Variants in LRP6 observed in about 807,000 individuals in gnomAD.
LRP6 encodes low-density lipoprotein receptor-related protein 6.
In LRP6, 43 loss-of-function variants were observed where a neutral mutation model predicts 184.1. That is an observed-to-expected ratio of 0.23 (90% CI 0.18 to 0.30). The LOEUF is 0.30. LRP6 is among the 10% of genes least tolerant of loss of function. The pLI is 1.00. For synonymous variants in LRP6, 719 were observed against 684.9 expected (o/e 1.05, Z -0.78); for missense variants, 1,571 against 2,005.3 (o/e 0.78, Z 4.14).
intron 12 of LRP6, chr12:12,155,801 G>C (rs1950143672): frequency 1.4e-6 from 1 of 730,826 alleles, no homozygotes; most frequent in African/African-American, 1.9e-5. Context: ...AAGACTTCTG[G>C]ACTGTTAAAA....
At chr12:12,132,083 G>A (rs1040769879) in intron 17 of LRP6, 26 bp from the exon 18 acceptor site, 2 of 1,503,704 alleles carry the variant, frequency 1.3e-6, no homozygotes, top group East Asian at 2.3e-5. Flanking sequence ...GAGAAGGGGA[G>A]TGACAAAAAC....
intron 15 of LRP6, among the ~76,000 whole-genome samples, chr12:12,139,860 G>C (rs981208179): frequency 6.6e-6 from 1 of 152,194 alleles, no homozygotes; most frequent in Non-Finnish European, 1.5e-5. Flanking sequence ...CAGGGATAAT[G>C]ACACAGTAGC....
intron 3 of LRP6, among the ~76,000 whole-genome samples, chr12:12,197,091 T>C (rs1181411086): frequency 1.3e-5 from 2 of 152,080 alleles, no homozygotes; most frequent in Non-Finnish European, 2.9e-5. Flanking sequence ...AATTTGTTCC[T>C]ATCATGCTCT....
chr12:12,229,551 G>T (rs1298505720), intron 2 of LRP6, among the ~76,000 whole-genome samples: 1 of 152,074 alleles, frequency 6.6e-6, no homozygotes, highest in Non-Finnish European at 1.5e-5. Context: ...GAGCAGGTTT[G>T]GTTGTTTTGT....
At position 12,203,190 on chromosome 12, in the gene LRP6, C is replaced by A; in HGVS notation, c.647+13G>T. On this transcript the variant is annotated intron_variant, in intron 3 of 22. Coordinates refer to ENST00000261349, the MANE Select transcript of LRP6 (RefSeq NM_002336.3). The stretch of plus-strand genomic sequence containing the variant: ...GTTTTCTTAAAAGTTTTTTCTAATT[C>A]TTGTAATCTTACCGATTTGTTCCAT... 1 of 1,584,614 alleles carries A rather than the reference C, an allele frequency of 6.3e-7. No individual in the cohort carries two copies. Among genetic ancestry groups the A allele is most frequent in the South Asian group, 1.2e-5 (1 of 85,998 alleles).
intron 1 of LRP6, chr12:12,248,912 A>G (rs1865256173): frequency 2.7e-6 from 1 of 373,680 alleles, no homozygotes; most frequent in Non-Finnish European, 4.9e-6. Context: ...CTTCCTATAT[A>G]TAGGTATCCT....
intron 1 of LRP6, chr12:12,248,962 T>G: frequency 2.1e-6 from 1 of 484,340 alleles, no homozygotes; most frequent in Non-Finnish European, 3.7e-6. Flanking sequence ...TATAAAAAAT[T>G]AAAGTTCACA....
At chr12:12,156,718 A>G (rs952446716) in intron 12 of LRP6, among the ~76,000 whole-genome samples, 7 of 152,222 alleles carry the variant, frequency 4.6e-5, no homozygotes, top group African/African-American at 1.4e-4. Flanking sequence ...CTCATTCAAC[A>G]GAGTTCATTT....
chr12:12,206,059 G>A (rs540594956), intron 2 of LRP6, among the ~76,000 whole-genome samples: 4 of 152,306 alleles, frequency 2.6e-5, no homozygotes, highest in African/African-American at 7.2e-5. Flanking sequence ...GTAGCATGCT[G>A]TACAGGTTCG....
chr12:12,265,748 C>T (rs757500909), intron 1 of LRP6, among the ~76,000 whole-genome samples: 4 of 152,180 alleles, frequency 2.6e-5, no homozygotes, highest in Non-Finnish European at 5.9e-5. Flanking sequence ...GAGCTGCCGA[C>T]GGGCCAGTCA....
intron 2 of LRP6, among the ~76,000 whole-genome samples, chr12:12,211,591 C>G (rs965034114): frequency 7.9e-5 from 12 of 152,192 alleles, no homozygotes; most frequent in Non-Finnish European, 1.6e-4. Flanking sequence ...CATGTTTTTA[C>G]CTGTCCCTCA....
chr12:12,255,592 A>G (rs1321793891), intron 1 of LRP6, among the ~76,000 whole-genome samples: 1 of 118,200 alleles, frequency 8.5e-6, no homozygotes, highest in Non-Finnish European at 1.6e-5. Flanking sequence ...TTTTTTTGAG[A>G]CAGAGTCTCA....
chr12:12,218,760 T>C (rs1864412998), intron 2 of LRP6, among the ~76,000 whole-genome samples: 1 of 151,898 alleles, frequency 6.6e-6, no homozygotes, highest in African/African-American at 2.4e-5. Context: ...GCCCAGGTGT[T>C]TGAGGCTGCA....
At chr12:12,181,657 A>G (rs1863349181) in intron 5 of LRP6, among the ~76,000 whole-genome samples, 1 of 152,256 alleles carries the variant, frequency 6.6e-6, no homozygotes, top group African/African-American at 2.4e-5. Flanking sequence ...CTCCAAATTA[A>G]GTTGTGATAC....
At chr12:12,177,107 A>G (rs1191039942) in intron 7 of LRP6, among the ~76,000 whole-genome samples, 2 of 152,026 alleles carry the variant, frequency 1.3e-5, no homozygotes, top group African/African-American at 4.8e-5. Context: ...CGGCCTCCCA[A>G]AGTACTGGGA....
Position 12,258,766 on chromosome 12 carries a change from T to C in LRP6, c.55+7915A>G, listed in dbSNP as rs138553912. On this transcript the variant is annotated intron_variant, in intron 1 of 22. Coordinates refer to ENST00000261349, the MANE Select transcript of LRP6 (RefSeq NM_002336.3). ...TATCTTTAAACTGGATATATGGATA[T>C]ACAGTACTTAAATTATACGTACCAA... is the stretch of plus-strand genomic sequence containing the variant. Among the ~76,000 whole-genome samples, 11 of 152,350 alleles carry C rather than the reference T, an allele frequency of 7.2e-5. No individual in the cohort carries two copies. In the East Asian group the frequency reaches 2.1e-3, roughly 29 times the overall value.
intron 1 of LRP6, chr12:12,249,470 T>C: frequency 1.5e-6 from 1 of 683,336 alleles, no homozygotes. Flanking sequence ...CAGCAATTAA[T>C]CGAAAAGAAA....
At chr12:12,177,075 T>C (rs1465004649) in intron 7 of LRP6, among the ~76,000 whole-genome samples, 3 of 152,144 alleles carry the variant, frequency 2.0e-5, no homozygotes, top group Non-Finnish European at 4.4e-5. Context: ...CTCGAACTCC[T>C]GACCTCATGA....
chr12:12,136,569 A>C (rs1189646205), intron 16 of LRP6, among the ~76,000 whole-genome samples: 2 of 152,238 alleles, frequency 1.3e-5, no homozygotes, highest in Non-Finnish European at 2.9e-5. Flanking sequence ...TTTTCTGTTT[A>C]GCCTGTATTA....
Sources: allele counts gnomAD v4.1 joint callset (sites outside exome capture counted in the v4.1 genomes callset), GRCh38; gene constraint gnomAD v4.1.1; transcripts MANE v1.5; gene names NCBI Gene and HGNC (gene_info 2026-07-23, HGNC 2026-07-21).